POLR1C: variants seen among roughly 807,000 people sequenced by gnomAD.
POLR1C encodes the protein DNA-directed RNA polymerases I and III subunit RPAC1.
A neutral mutation model predicts 38.3 loss-of-function variants in POLR1C; 42 were observed. The ratio of observed to expected loss-of-function variants is 1.10; its 90% CI spans 0.86 to 1.42. POLR1C has a LOEUF of 1.42. Ranked by LOEUF, POLR1C falls within the 40% of genes most tolerant of loss-of-function variation. The pLI is 0.00. For synonymous variants in POLR1C, 163 were observed against 163.9 expected (o/e 0.99, Z 0.04); for missense variants, 507 against 450.5 (o/e 1.13, Z -1.14).
intron 9 of POLR1C, among the ~76,000 whole-genome samples, chr6:43,541,840 C>T (rs1251437131): frequency 6.6e-5 from 10 of 152,036 alleles, no homozygotes; most frequent in African/African-American, 1.7e-4. Flanking sequence ...TGCAGTGGCA[C>T]GATCTTAGCT....
At chr6:43,524,152 G>A, downstream of POLR1C, 1 of 1,188,450 alleles carries the variant, frequency 8.4e-7, no homozygotes, top group African/African-American at 1.5e-5. Flanking sequence ...AGGAGTTCAA[G>A]ACCAGCCTGA....
intron 9 of POLR1C, chr6:43,538,803 T>C: frequency 1.1e-6 from 1 of 896,242 alleles, no homozygotes; most frequent in South Asian, 2.0e-5. Flanking sequence ...ATTCACTTTA[T>C]TTTTCTTGTA....
intron 10 of POLR1C, among the ~76,000 whole-genome samples, chr6:43,556,309 T>C (rs144682822): frequency 6.4e-4 from 97 of 152,168 alleles, no homozygotes; most frequent in Non-Finnish European, 1.0e-3. Flanking sequence ...AGACTGCTTG[T>C]GCCCAAGAGT....
downstream of POLR1C, chr6:43,531,416 T>C (rs906377212): frequency 6.0e-6 from 9 of 1,488,826 alleles, no homozygotes; most frequent in African/African-American, 4.1e-5. Context: ...GTCCAACCCA[T>C]GGACATTCCT....
chr6:43,560,089 G>T, intron 10 of POLR1C: 3 of 1,473,846 alleles, frequency 2.0e-6, no homozygotes, highest in East Asian at 2.4e-5. Context: ...ATAGAGCTGG[G>T]ATTATAGGCG....
rs1235455721 is a variant in POLR1C at position 43,518,666 on chromosome 6, G to A, written c.142-667G>A. On this transcript the variant is annotated intron_variant, in intron 2 of 8. Coordinates refer to ENST00000642195, the MANE Select transcript of POLR1C (RefSeq NM_203290.4). Reference sequence around the variant, plus strand: ...GGAGCTCAGAGCTCAGAAACCAGGGGAATAGTTCAAAAAAGGAGGAGATTT... The same window carrying A: ...GGAGCTCAGAGCTCAGAAACCAGGGAAATAGTTCAAAAAAGGAGGAGATTT... Among the ~76,000 whole-genome samples, 4 of 152,008 alleles carry A rather than the reference G, an allele frequency of 2.6e-5. No individual in the cohort carries two copies. In the East Asian group the frequency reaches 7.7e-4, roughly 29 times the overall value.
chr6:43,519,619 C>T, intron 3 of POLR1C, 87 bp from the exon 4 acceptor site: 1 of 1,545,036 alleles, frequency 6.5e-7, no homozygotes. Flanking sequence ...AGAGAGATAG[C>T]TCCCTACCTC....
At chr6:43,525,020 A>G, downstream of POLR1C, 1 of 1,598,608 alleles carries the variant, frequency 6.3e-7, no homozygotes. Flanking sequence ...TCAAGGCCTC[A>G]GCACCCCAGT....
downstream of POLR1C, chr6:43,530,944 T>A: frequency 7.7e-7 from 1 of 1,299,652 alleles, no homozygotes; most frequent in Non-Finnish European, 1.0e-6. Context: ...AGAGCAGTTG[T>A]ATTTACTTAA....
rs35493258 is a variant in POLR1C, at chr6:43,529,378, T to TAA, written c.*48_*49dup. The TAA allele has an allele frequency of 5.2e-3, 635 of 121,740 alleles. 7 individuals carry two copies. Among genetic ancestry groups the TAA allele is most frequent in the South Asian group, 9.8e-3 (168 of 17,218 alleles). The allele number at this position is 121,740 out of a possible 1,614,324, so 7.5% of individuals were successfully genotyped here. A position where few individuals can be genotyped will look rare whatever the true frequency, so the allele number is the denominator to read the frequency against. ...TAACATGGTGAAACCCCGTCTCTAC[T>TAA]AAAAAAAAAAAAAAAAAAAAAAAAA... On this transcript the variant is annotated 3_prime_UTR_variant, in exon 9 of 9. Transcript: ENST00000304004.
At chr6:43,539,287 C>G in intron 9 of POLR1C, 1 of 1,532,192 alleles carries the variant, frequency 6.5e-7, no homozygotes. Flanking sequence ...ACTTAACACC[C>G]AGACCGACGT....
At chr6:43,548,647 G>A (rs1486672845) in intron 9 of POLR1C, among the ~76,000 whole-genome samples, 1 of 151,930 alleles carries the variant, frequency 6.6e-6, no homozygotes, top group Non-Finnish European at 1.5e-5. Context: ...TTAGGCGGAA[G>A]ATAGCTCTTG....
At chr6:43,527,327 A>T (rs1793658869) in intron 8 of POLR1C, 1 of 254,642 alleles carries the variant, frequency 3.9e-6, no homozygotes, top group Non-Finnish European at 7.7e-6. Flanking sequence ...GCTGGAGTGC[A>T]GTGGCGTGAT....
At chr6:43,537,531 G>GT (rs1477899417) in intron 9 of POLR1C, among the ~76,000 whole-genome samples, 1 of 152,184 alleles carries the variant, frequency 6.6e-6, no homozygotes, top group Non-Finnish European at 1.5e-5. Flanking sequence ...GCCATAAACA[G>GT]TAGGTAAATG....
At chr6:43,532,096 C>T (rs776349026), downstream of POLR1C, among the ~76,000 whole-genome samples, 6 of 152,216 alleles carry the variant, frequency 3.9e-5, no homozygotes, top group Non-Finnish European at 7.3e-5. Context: ...TGGTTGGCCA[C>T]TTATTTCTAT....
downstream of POLR1C, chr6:43,522,842 C>T: frequency 3.4e-6 from 1 of 296,690 alleles, no homozygotes; most frequent in Non-Finnish European, 7.8e-6. Context: ...TATCCATGTC[C>T]TCTCTTTACA....
intron 8 of POLR1C, chr6:43,528,335 AG>A (rs1793728039): frequency 1.2e-6 from 1 of 845,300 alleles, no homozygotes; most frequent in Non-Finnish European, 1.9e-6. Context: ...CAACTTCTGT[AG>A]ACTCCACACC....
intron 8 of POLR1C, among the ~76,000 whole-genome samples, chr6:43,528,513 A>C (rs930018646): frequency 6.6e-6 from 1 of 152,144 alleles, no homozygotes; most frequent in African/African-American, 2.4e-5. Flanking sequence ...GCTTAATTCT[A>C]GAGTAAGGAT....
chr6:43,520,617 C>T lies in POLR1C; in HGVS notation c.656-8C>T, dbSNP rs773318501. 1.9e-6 allele frequency: 3 copies of T among 1,614,170 alleles called. No homozygotes were observed. The South Asian group carries it at 3.3e-5, about 18-fold the overall frequency. On this transcript the variant is annotated splice_region_variant and splice_polypyrimidine_tract_variant and intron_variant, in intron 6 of 8. Transcript: ENST00000642195. ...TTTCCTATAGGCACGTTCCCTCTTC[C>T]TCTCCAGGCAAAGATCATGCCAAGT...
Sources: gnomAD v4.1 joint callset for allele counts (sites outside exome capture counted in the v4.1 genomes callset) on GRCh38, gnomAD v4.1.1 for gene constraint, MANE v1.5 for transcripts, NCBI Gene and HGNC (gene_info 2026-07-23, HGNC 2026-07-21) for gene names.